DNAH12: variants seen among roughly 807,000 people sequenced by gnomAD.
DNAH12 encodes axonemal beta dynein heavy chain 12.
A neutral mutation model predicts 371.5 loss-of-function variants in DNAH12; 285 were observed. The ratio of observed to expected loss-of-function variants is 0.77; its 90% CI spans 0.70 to 0.85. The LOEUF is 0.85. Among genes scored for constraint, DNAH12 ranks in the 40% least tolerant of loss-of-function variants. The probability of loss-of-function intolerance (pLI) is 0.00; values close to 1 mark genes in which losing one functional copy is unlikely to be tolerated. For missense variants in DNAH12, 3,611 were observed against 3,689.4 expected, an observed-to-expected ratio of 0.98 and a Z score of 0.55; for synonymous variants, 1,200 against 1,213.0, an observed-to-expected ratio of 0.99 and a Z score of 0.22.
intron 55 of DNAH12, among the ~76,000 whole-genome samples, chr3:57,369,213 C>T (rs2063114743): frequency 2.3e-4 from 15 of 64,456 alleles, no homozygotes. Context: ...AAGATTGAAA[C>T]TCCATTAAAA....
At chr3:57,349,118 A>C (rs1247387984) in intron 60 of DNAH12, among the ~76,000 whole-genome samples, 1 of 152,232 alleles carries the variant, frequency 6.6e-6, no homozygotes, top group East Asian at 1.9e-4. Context: ...CAAGGAACTC[A>C]AATTAGCAAG....
intron 20 of DNAH12, 92 bp from the exon 21 acceptor site, chr3:57,458,312 A>G (rs979130724): frequency 7.4e-7 from 1 of 1,342,362 alleles, no homozygotes; most frequent in East Asian, 2.7e-5. Context: ...AAAATCTTTT[A>G]ATGTTAAAAG....
At position 57,468,783 on chromosome 3, in the gene DNAH12, T is replaced by C. The variant is rs1163716579; in HGVS notation, c.2302A>G (p.Thr768Ala). The C allele has an allele frequency of 3.9e-6, 6 of 1,529,958 alleles. No individual in the cohort carries two copies. Among genetic ancestry groups the C allele is most frequent in the Non-Finnish European group, 5.3e-6 (6 of 1,141,928 alleles). The allele number at this position is 1,529,958 out of a possible 1,614,324, so 94.8% of individuals were successfully genotyped here. The change falls in exon 17 of 74, where the codon ACT becomes GCT. Residue 768 changes from threonine (T) to alanine (A), a missense_variant. Thr to Ala is a moderately conservative substitution (Grantham distance 58). Transcript: ENST00000495027. ...ATGACTGTACTGCACATAGTAATAG[T>C]AGCATTGTCTTTTGGTTCTTCTTCA... The part of the protein sequence containing the change: ...KIEEEPKDNA[T>A]ITMCSTVMEQ...
At chr3:57,474,197 T>C (rs1199267408) in intron 13 of DNAH12, among the ~76,000 whole-genome samples, 1 of 152,194 alleles carries the variant, frequency 6.6e-6, no homozygotes, top group Non-Finnish European at 1.5e-5. Flanking sequence ...ACTGTCATCA[T>C]TTGCAAGTTA....
intron 43 of DNAH12, among the ~76,000 whole-genome samples, chr3:57,399,894 T>C (rs1392677448): frequency 6.6e-6 from 1 of 152,264 alleles, no homozygotes; most frequent in African/African-American, 2.4e-5. Flanking sequence ...TACAGTTTAA[T>C]ACATATAACA....
chr3:57,299,527 G>C (rs1307014520), intron 70 of DNAH12, among the ~76,000 whole-genome samples: 1 of 151,960 alleles, frequency 6.6e-6, no homozygotes, highest in Non-Finnish European at 1.5e-5. Flanking sequence ...ACAGGAAGGA[G>C]AGAATGTGAA....
chr3:57,477,931 C>T (rs2066594297), intron 13 of DNAH12, among the ~76,000 whole-genome samples: 2 of 152,098 alleles, frequency 1.3e-5, no homozygotes, highest in Admixed American at 6.5e-5. Context: ...TGTACGTCAC[C>T]ATCATCAAAG....
intron 53 of DNAH12, among the ~76,000 whole-genome samples, chr3:57,376,608 T>C (rs2063287064): frequency 6.6e-6 from 1 of 152,190 alleles, no homozygotes; most frequent in Admixed American, 6.6e-5. Context: ...AAGCCAGTTA[T>C]ATCTTCCTTA....
intron 62 of DNAH12, 60 bp from the exon 63 acceptor site, chr3:57,323,679 A>G: frequency 7.1e-7 from 1 of 1,414,754 alleles, no homozygotes; most frequent in Non-Finnish European, 9.3e-7. Context: ...ATGGATATGA[A>G]TATTATTGAA....
At chr3:57,317,512 T>A (rs1031029039) in intron 65 of DNAH12, among the ~76,000 whole-genome samples, 1 of 152,200 alleles carries the variant, frequency 6.6e-6, no homozygotes, top group Non-Finnish European at 1.5e-5. Flanking sequence ...GGATAATGTC[T>A]TCAAGTTTTA....
At chr3:57,325,225 C>T (rs1358673879) in intron 62 of DNAH12, among the ~76,000 whole-genome samples, 1 of 152,174 alleles carries the variant, frequency 6.6e-6, no homozygotes, top group Non-Finnish European at 1.5e-5. Flanking sequence ...GCAGTGGTTC[C>T]CCCAGCACGC....
intron 12 of DNAH12, among the ~76,000 whole-genome samples, chr3:57,486,362 G>A (rs1405994631): frequency 6.6e-6 from 1 of 152,032 alleles, no homozygotes; most frequent in Non-Finnish European, 1.5e-5. Flanking sequence ...TTGAGCCCAG[G>A]AGGTTGAAAT....
At chr3:57,509,293 G>T in intron 5 of DNAH12, 81 bp from the exon 6 acceptor site, 1 of 1,336,814 alleles carries the variant, frequency 7.5e-7, no homozygotes, top group Non-Finnish European at 1.1e-6. Context: ...TTTTGATTTT[G>T]GATGGTATAG....
Position 57,367,292 on chromosome 3 carries a change from T to C in DNAH12, c.8975-371A>G, listed in dbSNP as rs963029813. 6.6e-5 allele frequency among the ~76,000 whole-genome samples: 10 copies of C among 151,842 alleles called. No homozygotes were observed. In the South Asian group the frequency reaches 2.1e-3, roughly 32 times the overall value. On this transcript the variant is annotated intron_variant, in intron 56 of 73. Coordinates refer to ENST00000495027, the MANE Select transcript of DNAH12 (RefSeq NM_001366028.2). ...GTGAGCTGAGACTGCACCACTACAC[T>C]CCAGCCTGAGCATCAGAGCAAGACT... is the stretch of plus-strand genomic sequence containing the variant.
In DNAH12 at chr3:57,445,354, G is replaced by C; in HGVS notation, c.4245C>G (p.Tyr1415Ter). 5 of 1,551,674 alleles carry C rather than the reference G, an allele frequency of 3.2e-6. No homozygotes were observed. The highest frequency in any genetic ancestry group is 4.4e-6 in the Non-Finnish European group (5 of 1,146,980). ...GTCTTGCATTCAAAAATCCGTAAGA[G>C]TAGAGGGAGATTTCTGCTATAAGCG... Reference protein sequence around the residue: ...NYALIAEISLYSYGFLNARPL... With the variant: ...NYALIAEISL Residue 1415 changes from tyrosine (Y) to a stop codon, truncating the protein, a stop_gained, in exon 28 of 74, where the codon TAC becomes TAG. Transcript: ENST00000495027. LOFTEE classifies it high-confidence loss of function.
intron 72 of DNAH12, among the ~76,000 whole-genome samples, 193 bp downstream of exon 72, chr3:57,296,151 A>G (rs2061229152): frequency 1.3e-5 from 2 of 152,220 alleles, no homozygotes; most frequent in Non-Finnish European, 2.9e-5. Context: ...CTACTGAAAT[A>G]TTGACTAAAA....
chr3:57,554,370 A>G, the DNAH12 span, among the ~76,000 whole-genome samples: 1 of 152,036 alleles, frequency 6.6e-6, no homozygotes, highest in African/African-American at 2.4e-5. Context: ...AATTAAAACC[A>G]AATGTTTTTA....
chr3:57,497,061 TG>T (rs2067348289), intron 11 of DNAH12, among the ~76,000 whole-genome samples: 1 of 152,110 alleles, frequency 6.6e-6, no homozygotes, highest in Non-Finnish European at 1.5e-5. Context: ...AGCTGTACAA[TG>T]CAAACTATAA....
At chr3:57,379,586 A>T (rs2063344705) in intron 51 of DNAH12, among the ~76,000 whole-genome samples, 1 of 152,142 alleles carries the variant, frequency 6.6e-6, no homozygotes, top group South Asian at 2.1e-4. Context: ...CACACCTGTA[A>T]TCCCAGCACT....
Sources: allele counts gnomAD v4.1 joint callset (sites outside exome capture counted in the v4.1 genomes callset), GRCh38; gene constraint gnomAD v4.1.1; transcripts MANE v1.5; gene names NCBI Gene and HGNC (gene_info 2026-07-23, HGNC 2026-07-21).